MOSMO: variants seen among roughly 807,000 people sequenced by gnomAD.
MOSMO encodes the protein modulator of smoothened, also known as modulator of smoothened protein.
Under a neutral mutation model 18.4 loss-of-function variants are expected in MOSMO, and 5 were observed. That is an observed-to-expected ratio of 0.27 (90% CI 0.14 to 0.57). MOSMO has a LOEUF of 0.57. Among genes scored for constraint, MOSMO ranks in the 20% least tolerant of loss-of-function variants. MOSMO has a pLI of 0.92. For synonymous variants in MOSMO, 82 were observed against 82.3 expected (o/e 1.00, Z 0.02); for missense variants, 138 against 211.8 (o/e 0.65, Z 2.16).
intron 1 of MOSMO, among the ~76,000 whole-genome samples, chr16:22,025,427 T>C (rs1899856401): frequency 6.6e-6 from 1 of 152,196 alleles, no homozygotes; most frequent in Admixed American, 6.5e-5. Flanking sequence ...GATTCTACTG[T>C]TTACATATAA....
downstream of MOSMO, among the ~76,000 whole-genome samples, chr16:22,089,720 C>T (rs538585547): frequency 5.1e-5 from 7 of 136,094 alleles, no homozygotes; most frequent in South Asian, 7.1e-4. Context: ...TTACTGTGTT[C>T]GTCTCACACT....
At chr16:22,091,716 G>C (rs1458881830), downstream of MOSMO, among the ~76,000 whole-genome samples, 1 of 152,074 alleles carries the variant, frequency 6.6e-6, no homozygotes, top group Non-Finnish European at 1.5e-5. Context: ...AAACTTACAA[G>C]TTTATAAAAC....
intron 1 of MOSMO, among the ~76,000 whole-genome samples, chr16:22,050,698 T>C (rs989605224): frequency 2.0e-5 from 3 of 152,038 alleles, no homozygotes; most frequent in African/African-American, 7.3e-5. Context: ...GAAATCATCA[T>C]AGGGGGACCC....
intron 1 of MOSMO, among the ~76,000 whole-genome samples, chr16:22,049,775 T>C (rs1900386228): frequency 1.3e-5 from 2 of 152,238 alleles, no homozygotes; most frequent in Admixed American, 6.5e-5. Context: ...CTTATTTTGC[T>C]GCATGGTAAT....
At chr16:22,035,025 C>T (rs930770891) in intron 1 of MOSMO, among the ~76,000 whole-genome samples, 3 of 151,994 alleles carry the variant, frequency 2.0e-5, no homozygotes, top group African/African-American at 7.2e-5. Context: ...TGAGCCACGG[C>T]GCCTGGCCTA....
chr16:22,043,653 ATAGTT>A (rs1269175831), intron 1 of MOSMO, among the ~76,000 whole-genome samples: 2 of 152,216 alleles, frequency 1.3e-5, no homozygotes, highest in African/African-American at 4.8e-5. Context: ...TCAAGACAAA[ATAGTT>A]TGTCCCTCCC....
intron 1 of MOSMO, among the ~76,000 whole-genome samples, chr16:22,048,932 C>T (rs574337663): frequency 2.0e-5 from 3 of 152,166 alleles, no homozygotes; most frequent in East Asian, 1.9e-4. Context: ...CGGTTGCCCC[C>T]GTGTTCTTCA....
chr16:22,026,122 T>G (rs1899870258), intron 1 of MOSMO, among the ~76,000 whole-genome samples: 1 of 152,078 alleles, frequency 6.6e-6, no homozygotes, highest in Admixed American at 6.5e-5. Flanking sequence ...CACCAATAAC[T>G]AGTTCCTGGA....
intron 1 of MOSMO, among the ~76,000 whole-genome samples, chr16:22,061,212 T>C (rs1900639209): frequency 6.6e-6 from 1 of 152,294 alleles, no homozygotes; most frequent in African/African-American, 2.4e-5. Flanking sequence ...ATGGTTGAAA[T>C]GGCTACATAT....
At chr16:22,049,026 G>T (rs971489149) in intron 1 of MOSMO, among the ~76,000 whole-genome samples, 3 of 151,996 alleles carry the variant, frequency 2.0e-5, no homozygotes, top group African/African-American at 7.3e-5. Flanking sequence ...TGGGTGGGAG[G>T]ATATTAACAT....
chr16:22,078,528 A>G (rs1901017315), intron 2 of MOSMO, among the ~76,000 whole-genome samples: 1 of 152,218 alleles, frequency 6.6e-6, no homozygotes, highest in African/African-American at 2.4e-5. Flanking sequence ...ACTCCATTAT[A>G]AAGGATAGAT....
At chr16:22,047,380 G>C (rs1900333459) in intron 1 of MOSMO, among the ~76,000 whole-genome samples, 1 of 151,774 alleles carries the variant, frequency 6.6e-6, no homozygotes, top group Non-Finnish European at 1.5e-5. Flanking sequence ...GAGTAGCTGG[G>C]ACTACAGGCG....
At chr16:22,064,275 C>T (rs989576838) in intron 1 of MOSMO, 7 of 455,886 alleles carry the variant, frequency 1.5e-5, no homozygotes, top group African/African-American at 4.0e-5. Context: ...ACAGATAATT[C>T]CACAGTACTT....
chr16:22,049,794 A>C (rs1393034403), intron 1 of MOSMO, among the ~76,000 whole-genome samples: 1 of 152,192 alleles, frequency 6.6e-6, no homozygotes, highest in African/African-American at 2.4e-5. Context: ...ATAAGTGGGA[A>C]TCTTAATTCT....
chr16:22,055,016 G>GT (rs1186410633), intron 1 of MOSMO, among the ~76,000 whole-genome samples: 11 of 148,616 alleles, frequency 7.4e-5, no homozygotes, highest in Non-Finnish European at 1.5e-4. Flanking sequence ...TTAAAACTTT[G>GT]TAAGCGTAAC....
chr16:22,079,001 T>C (rs1901027221), intron 2 of MOSMO, among the ~76,000 whole-genome samples: 1 of 152,250 alleles, frequency 6.6e-6, no homozygotes, highest in African/African-American at 2.4e-5. Flanking sequence ...TGTAAGTTTG[T>C]ATAATATAAA....
At chr16:22,042,515 T>C (rs1049520453) in intron 1 of MOSMO, among the ~76,000 whole-genome samples, 2 of 152,244 alleles carry the variant, frequency 1.3e-5, no homozygotes, top group Non-Finnish European at 2.9e-5. Flanking sequence ...TTTGATTTGC[T>C]AGAACATATT....
chr16:22,026,024 T>C (rs1311724677), intron 1 of MOSMO, among the ~76,000 whole-genome samples: 1 of 152,120 alleles, frequency 6.6e-6, no homozygotes, highest in East Asian at 1.9e-4. Flanking sequence ...AAATCTGCTT[T>C]CCTAAGGGGT....
chr16:22,028,773 C>A (rs1899930703), intron 1 of MOSMO, among the ~76,000 whole-genome samples: 1 of 152,132 alleles, frequency 6.6e-6, no homozygotes. Flanking sequence ...TTTATGTTCT[C>A]CCATGTTTAT....
Sources: gnomAD v4.1 joint callset for allele counts (sites outside exome capture counted in the v4.1 genomes callset) on GRCh38, gnomAD v4.1.1 for gene constraint, MANE v1.5 for transcripts, NCBI Gene and HGNC (gene_info 2026-07-23, HGNC 2026-07-21) for gene names.